RSPO4: variants seen among roughly 807,000 people sequenced by gnomAD.
RSPO4 encodes R-spondin 4.
A neutral mutation model predicts 24.8 loss-of-function variants in RSPO4; 23 were observed. The observed-to-expected ratio is 0.93, with a 90% CI of 0.67 to 1.31. The LOEUF (loss-of-function observed/expected upper bound fraction) is 1.31, where lower values mean the gene tolerates loss of function less well. Ranked by LOEUF, RSPO4 falls within the 40% of genes most tolerant of loss-of-function variation. RSPO4 has a pLI of 0.00. For synonymous variants in RSPO4, 141 were observed against 127.4 expected, an observed-to-expected ratio of 1.11 and a Z score of -0.72; for missense variants, 333 against 316.5, an observed-to-expected ratio of 1.05 and a Z score of -0.39.
chr20:966,099 C>T (rs1278225559), intron 3 of RSPO4, among the ~76,000 whole-genome samples: 2 of 152,070 alleles, frequency 1.3e-5, no homozygotes, highest in African/African-American at 4.8e-5. Flanking sequence ...AGAAGGCACC[C>T]AGAGGGCAGT....
At chr20:995,698 C>T (rs1299953915) in intron 1 of RSPO4, among the ~76,000 whole-genome samples, 1 of 152,192 alleles carries the variant, frequency 6.6e-6, no homozygotes, top group African/African-American at 2.4e-5. Context: ...ATACCACCCA[C>T]TGGGCCTCAG....
intron 1 of RSPO4, among the ~76,000 whole-genome samples, chr20:997,567 CT>C (rs1300660900): frequency 7.2e-5 from 11 of 152,170 alleles, no homozygotes; most frequent in Admixed American, 3.9e-4. Context: ...GTAGGAATCC[CT>C]TTCAGAACTA....
rs1237761900 is a variant in RSPO4, at chr20:959,760, G to C, written c.*597C>G. On this transcript the variant is annotated 3_prime_UTR_variant, in exon 5 of 5. Transcript: ENST00000217260. ...TCCTCGGGGTGGCTGGTGGCTGAAG[G>C]CTGTGGAAATGGCCTCTGGGGACTG... is the stretch of plus-strand genomic sequence containing the variant. 6.6e-6 allele frequency: 1 copy of C among 152,590 alleles called. No homozygotes were observed. The highest frequency in any genetic ancestry group is 1.5e-5 in the Non-Finnish European group (1 of 68,396). 9.5% of individuals were successfully genotyped at this position (152,590 alleles called of 1,614,324 possible).
intron 4 of RSPO4, among the ~76,000 whole-genome samples, chr20:961,646 T>A (rs1684754788): frequency 6.6e-6 from 1 of 152,126 alleles, no homozygotes; most frequent in Non-Finnish European, 1.5e-5. Context: ...GGACAGCATC[T>A]GGAGATGGGG....
intron 1 of RSPO4, among the ~76,000 whole-genome samples, chr20:979,557 A>G (rs535827190): frequency 1.3e-3 from 203 of 152,284 alleles, no homozygotes; most frequent in African/African-American, 4.8e-3. Flanking sequence ...CCATAGCACA[A>G]TGTCAGTCAC....
Position 963,959 on chromosome 20 carries a change from G to T in RSPO4, c.571C>A (p.Pro191Thr), listed in dbSNP as rs138935370. 5.0e-6 allele frequency: 8 copies of T among 1,614,042 alleles called. No homozygotes were observed. The South Asian group carries it at 8.8e-5, about 18-fold the overall frequency. Residue 191 changes from proline (P) to threonine (T), a missense_variant, in exon 4 of 5, where the codon CCC (proline) becomes ACC (threonine). By Grantham distance (38) the Pro-to-Thr change is conservative. Coordinates refer to ENST00000217260, the MANE Select transcript of RSPO4 (RefSeq NM_001029871.4). ...CQVLSESRKC[P>T]IQRPCPGERS... is the part of the protein sequence containing the mutation. ...CCTCCTGGGCAGGGCCTCTGGATGG[G>T]ACATTTCCTTGACTCAGAAAGCACC...
At chr20:961,841 C>T (rs1204366577) in intron 4 of RSPO4, among the ~76,000 whole-genome samples, 1 of 151,998 alleles carries the variant, frequency 6.6e-6, no homozygotes, top group Non-Finnish European at 1.5e-5. Flanking sequence ...ATCTACTCAC[C>T]CACCTCCATA....
At chr20:991,481 GC>G (rs1985100476) in intron 1 of RSPO4, among the ~76,000 whole-genome samples, 2 of 151,982 alleles carry the variant, frequency 1.3e-5, no homozygotes, top group South Asian at 4.1e-4. Context: ...ATACAAGGAA[GC>G]CCTACAAATT....
In RSPO4 at chr20:1,002,200, G is replaced by C; in HGVS notation, c.-36C>G. Reference sequence around the variant, plus strand: ...GGATCCGGGCTGGCGCTCCCCAGGCGGCCCGACGGCCCAAGGGCCCCACGT... The same window carrying C: ...GGATCCGGGCTGGCGCTCCCCAGGCCGCCCGACGGCCCAAGGGCCCCACGT... On this transcript the variant is annotated 5_prime_UTR_variant, in exon 1 of 5. Coordinates refer to ENST00000217260, the MANE Select transcript of RSPO4 (RefSeq NM_001029871.4). The surrounding 1 kb of genome is among the most constrained non-coding windows in gnomAD (Gnocchi z 4.6). 2.0e-6 allele frequency: 3 copies of C among 1,478,742 alleles called. No homozygotes were observed. Among genetic ancestry groups the C allele is most frequent in the Non-Finnish European group, 2.7e-6 (3 of 1,109,314 alleles). The allele number at this position is 1,478,742 out of a possible 1,614,324, so 91.6% of individuals were successfully genotyped here.
At chr20:964,180 C>T in intron 3 of RSPO4, 60 bp from the exon 4 acceptor site, 1 of 1,430,390 alleles carries the variant, frequency 7.0e-7, no homozygotes, top group African/African-American at 1.4e-5. Context: ...CAGTGAGGGT[C>T]CTTCAGATCC....
At position 965,761 on chromosome 20, in the gene RSPO4, C is replaced by T. The variant is rs926723736; in HGVS notation, c.409+1413G>A. On this transcript the variant is annotated intron_variant, in intron 3 of 4. Coordinates refer to ENST00000217260, the MANE Select transcript of RSPO4 (RefSeq NM_001029871.4). ...TTTCACCCCAAAGTTCTTCCTACCA[C>T]CCAAAATATTATGCATTTGTTCTCA... Among the ~76,000 whole-genome samples the T allele has an allele frequency of 1.3e-5, 2 of 152,134 alleles. 1 individual carries two copies. Among genetic ancestry groups the T allele is most frequent in the Admixed American group, 1.3e-4 (2 of 15,272 alleles).
intron 4 of RSPO4, among the ~76,000 whole-genome samples, chr20:961,981 T>A (rs1271515294): frequency 6.6e-6 from 1 of 151,774 alleles, no homozygotes; most frequent in Non-Finnish European, 1.5e-5. Context: ...CCCTCCCATC[T>A]ACCCTCCTAT....
chr20:978,259 T>C (rs576273335), intron 1 of RSPO4, among the ~76,000 whole-genome samples: 16 of 152,322 alleles, frequency 1.1e-4, no homozygotes, highest in African/African-American at 3.6e-4. Flanking sequence ...GTTCTGAGCC[T>C]TGGTCTTCTC....
chr20:999,801 T>G (rs1985405465), intron 1 of RSPO4, among the ~76,000 whole-genome samples: 1 of 152,008 alleles, frequency 6.6e-6, no homozygotes, highest in Admixed American at 6.5e-5. Flanking sequence ...ATTTTTCATT[T>G]TTCTTTAATT....
chr20:968,025 G>A lies in RSPO4; in HGVS notation c.193C>T (p.Gln65Ter). The A allele has an allele frequency of 1.9e-6, 3 of 1,614,238 alleles. No individual in the cohort carries two copies. The highest frequency in any genetic ancestry group is 2.5e-6 in the Non-Finnish European group (3 of 1,180,054). ...FLFIRREGIR[Q>*]YGKCLHDCPP... is the part of the protein sequence containing the mutation. ...CAGTCGTGCAGGCACTTGCCGTACT[G>A]GCGGATGCCTTCCCGGCGGATGAAC... is the stretch of plus-strand genomic sequence containing the variant. The change falls in exon 2 of 5, where the codon CAG (glutamine) becomes TAG (stop). Residue 65 changes from glutamine to a stop codon, truncating the protein, a stop_gained. Transcript: ENST00000217260. LOFTEE classifies it high-confidence loss of function.
chr20:978,617 T>C (rs562053536), intron 1 of RSPO4, among the ~76,000 whole-genome samples: 291 of 152,208 alleles, frequency 1.9e-3, no homozygotes, highest in African/African-American at 6.7e-3. Context: ...ACCAGGCCCA[T>C]ACGAATGTGG....
rs1422268007 is a variant in RSPO4, at chr20:985,245, T to TCACCCACCCATCTATCCATCCATC, written c.79+16817_79+16840dup. Among the ~76,000 whole-genome samples, 20 of 88,398 alleles carry TCACCCACCCATCTATCCATCCATC rather than the reference T, an allele frequency of 2.3e-4. 1 individual carries two copies. Among genetic ancestry groups the TCACCCACCCATCTATCCATCCATC allele is most frequent in the Admixed American group, 2.2e-3 (20 of 9,252 alleles). The allele number at this position is 88,398 out of a possible 152,430, so 58.0% of individuals were successfully genotyped here. On this transcript the variant is annotated intron_variant, in intron 1 of 4. Coordinates refer to ENST00000217260, the MANE Select transcript of RSPO4 (RefSeq NM_001029871.4). The stretch of plus-strand genomic sequence containing the variant: ...TCCACCCACCCATATATCCATCCAC[T>TCACCCACCCATCTATCCATCCATC]CACCCACCCATCTATCCATCCATCC...
intron 1 of RSPO4, among the ~76,000 whole-genome samples, chr20:993,012 G>C (rs1165695855): frequency 1.3e-5 from 2 of 152,210 alleles, no homozygotes; most frequent in African/African-American, 4.8e-5. Flanking sequence ...CCCCAGATCA[G>C]GCTCAGAAGG....
intron 1 of RSPO4, among the ~76,000 whole-genome samples, chr20:1,001,160 T>C (rs1885552712): frequency 6.6e-6 from 1 of 152,192 alleles, no homozygotes; most frequent in Non-Finnish European, 1.5e-5. Flanking sequence ...ATAGTTGGGA[T>C]TTGATGAGCT....
Sources: allele counts gnomAD v4.1 joint callset (sites outside exome capture counted in the v4.1 genomes callset), GRCh38; gene constraint gnomAD v4.1.1; non-coding constraint Gnocchi (gnomAD v3.1); transcripts MANE v1.5; gene names NCBI Gene and HGNC (gene_info 2026-07-23, HGNC 2026-07-21).